The following PLCXD3 variants were observed in gnomAD, a reference collection of about 807,000 sequenced individuals.
PLCXD3 encodes the protein PI-PLC X domain-containing protein 3.
A neutral mutation model predicts 25.5 loss-of-function variants in PLCXD3; 19 were observed. The ratio of observed to expected loss-of-function variants is 0.75; its 90% CI spans 0.52 to 1.09. PLCXD3 has a LOEUF of 1.09. PLCXD3 is among the 50% of genes least tolerant of loss of function. PLCXD3 has a pLI of 0.00. For synonymous variants in PLCXD3, 174 were observed against 137.6 expected, an observed-to-expected ratio of 1.26 and a Z score of -1.85; for missense variants, 411 against 388.1, an observed-to-expected ratio of 1.06 and a Z score of -0.50.
At chr5:41,403,401 G>GTTTGTTTGTTTTTGTTTT (rs1554047951) in intron 1 of PLCXD3, among the ~76,000 whole-genome samples, 1 of 18,412 alleles carries the variant, frequency 5.4e-5, no homozygotes, top group African/African-American at 1.8e-4. Flanking sequence ...CTTATTTGTT[G>GTTTGTTTGTTTTTGTTTT]TTTTTTTTTT....
intron 1 of PLCXD3, among the ~76,000 whole-genome samples, chr5:41,407,137 CT>C (rs138556224): frequency 0.042 from 6,463 of 152,176 alleles, 185 homozygotes; most frequent in Non-Finnish European, 0.061. Context: ...TGTGTGGACT[CT>C]GGCCTTGAGA....
At chr5:41,322,211 A>G (rs1392906175) in intron 2 of PLCXD3, among the ~76,000 whole-genome samples, 3 of 152,246 alleles carry the variant, frequency 2.0e-5, no homozygotes, top group African/African-American at 7.2e-5. Context: ...AGGATATATA[A>G]GGAACTTGAA....
At chr5:41,358,867 T>C (rs1002834874) in intron 2 of PLCXD3, among the ~76,000 whole-genome samples, 1 of 152,194 alleles carries the variant, frequency 6.6e-6, no homozygotes, top group Non-Finnish European at 1.5e-5. Flanking sequence ...CACACATGGC[T>C]TTTATTACAC....
At chr5:41,494,287 G>T (rs1474615779) in intron 1 of PLCXD3, among the ~76,000 whole-genome samples, 1 of 152,080 alleles carries the variant, frequency 6.6e-6, no homozygotes, top group Admixed American at 6.6e-5. Flanking sequence ...TTACACTTCT[G>T]AAAGATACTC....
chr5:41,454,980 G>C (rs928354389), intron 1 of PLCXD3, among the ~76,000 whole-genome samples: 1 of 151,844 alleles, frequency 6.6e-6, no homozygotes, highest in Non-Finnish European at 1.5e-5. Context: ...GCAGGAAGGA[G>C]AAAAGCTGAG....
intron 1 of PLCXD3, among the ~76,000 whole-genome samples, chr5:41,412,248 T>G (rs1226104650): frequency 6.6e-6 from 1 of 152,148 alleles, no homozygotes; most frequent in East Asian, 1.9e-4. Context: ...ACATCAATGT[T>G]TTTCCGTAGT....
intron 1 of PLCXD3, among the ~76,000 whole-genome samples, chr5:41,383,757 C>G (rs1466344933): frequency 2.0e-5 from 3 of 151,962 alleles, no homozygotes; most frequent in African/African-American, 7.2e-5. Context: ...ACTCCCCAAC[C>G]CAAAACTCAC....
chr5:41,474,170 A>G (rs1192260820), intron 1 of PLCXD3, among the ~76,000 whole-genome samples: 2 of 152,234 alleles, frequency 1.3e-5, no homozygotes, highest in Non-Finnish European at 2.9e-5. Context: ...TCTAGTGAGC[A>G]AAGGCAGCCC....
chr5:41,436,443 G>C (rs1360724240), intron 1 of PLCXD3, among the ~76,000 whole-genome samples: 5 of 152,056 alleles, frequency 3.3e-5, no homozygotes, highest in Admixed American at 6.6e-5. Context: ...GTTGAAAATA[G>C]TTATATTATA....
At position 41,310,051 on chromosome 5, in the gene PLCXD3, A is replaced by C. The variant is rs1041065344; in HGVS notation, c.*3566T>G. 6.6e-6 allele frequency: 1 copy of C among 152,066 alleles called. No homozygotes were observed. The allele number at this position is 152,066 out of a possible 1,614,324, so 9.4% of individuals were successfully genotyped here. On this transcript the variant is annotated 3_prime_UTR_variant, in exon 3 of 3. Transcript: ENST00000377801. ...TGTATGTGCACATACAGGTGTATACATGGCAAACATTTTATACTCTAATAC... is the reference window on the plus strand; with the variant it reads ...TGTATGTGCACATACAGGTGTATACCTGGCAAACATTTTATACTCTAATAC...
chr5:41,485,109 T>C (rs929658540), intron 1 of PLCXD3, among the ~76,000 whole-genome samples: 1 of 152,154 alleles, frequency 6.6e-6, no homozygotes, highest in South Asian at 2.1e-4. Flanking sequence ...TCCTAAATGT[T>C]TCACACCAAT....
rs142569615 is a variant in PLCXD3, at chr5:41,420,825, G to T, written c.104-38291C>A. Among the ~76,000 whole-genome samples, 53 of 152,306 alleles carry T rather than the reference G, an allele frequency of 3.5e-4. No homozygotes were observed. The East Asian group carries it at 6.6e-3, about 19-fold the overall frequency. ...TTGTCACATCACCTTTGCATTGTCT[G>T]CAAGTTCTTGGTTGCCGTCACTACG... On this transcript the variant is annotated intron_variant, in intron 1 of 2. Transcript: ENST00000377801.
At chr5:41,430,490 C>G (rs967221616) in intron 1 of PLCXD3, among the ~76,000 whole-genome samples, 1 of 152,190 alleles carries the variant, frequency 6.6e-6, no homozygotes, top group African/African-American at 2.4e-5. Context: ...TCCACATCTT[C>G]TTCTGAGATC....
At chr5:41,443,560 G>A (rs372547445) in intron 1 of PLCXD3, among the ~76,000 whole-genome samples, 2 of 152,074 alleles carry the variant, frequency 1.3e-5, no homozygotes, top group African/African-American at 4.8e-5. Context: ...CCTGAGACCT[G>A]GTAAGCATCC....
At chr5:41,483,363 A>ATGACCTAAG (rs1748453693) in intron 1 of PLCXD3, among the ~76,000 whole-genome samples, 1 of 152,154 alleles carries the variant, frequency 6.6e-6, no homozygotes. Flanking sequence ...CGGATGCGAA[A>ATGACCTAAG]TGACCTAAGT....
At chr5:41,339,732 G>C (rs1744084527) in intron 2 of PLCXD3, among the ~76,000 whole-genome samples, 1 of 152,138 alleles carries the variant, frequency 6.6e-6, no homozygotes, top group Admixed American at 6.6e-5. Flanking sequence ...GGAAGCATTT[G>C]AAAATGTCAT....
At chr5:41,314,636 A>G (rs974346145) in intron 2 of PLCXD3, among the ~76,000 whole-genome samples, 17 of 152,192 alleles carry the variant, frequency 1.1e-4, no homozygotes, top group African/African-American at 3.9e-4. Flanking sequence ...TCATGTGGCT[A>G]TCTAGGGAAA....
chr5:41,337,898 CATG>C (rs1434147646), intron 2 of PLCXD3, among the ~76,000 whole-genome samples: 2 of 152,218 alleles, frequency 1.3e-5, no homozygotes, highest in East Asian at 3.9e-4. Context: ...GAGTATTTCC[CATG>C]ATGTCATCTC....
intron 1 of PLCXD3, among the ~76,000 whole-genome samples, chr5:41,464,255 T>A (rs920177559): frequency 6.6e-6 from 1 of 152,058 alleles, no homozygotes; most frequent in Non-Finnish European, 1.5e-5. Flanking sequence ...CCAATTTTGG[T>A]TGATCTCAAT....
Sources: gnomAD v4.1 joint callset for allele counts (sites outside exome capture counted in the v4.1 genomes callset) on GRCh38, gnomAD v4.1.1 for gene constraint, MANE v1.5 for transcripts, NCBI Gene and HGNC (gene_info 2026-07-23, HGNC 2026-07-21) for gene names.